Variants in MCC observed in about 807,000 individuals in gnomAD.
MCC encodes colorectal mutant cancer protein.
In MCC, 90 loss-of-function variants were observed where a neutral mutation model predicts 116.2. The ratio of observed to expected loss-of-function variants is 0.77; its 90% CI spans 0.65 to 0.92. The LOEUF (loss-of-function observed/expected upper bound fraction) is 0.92. MCC is among the 40% of genes least tolerant of loss of function. The probability of loss-of-function intolerance (pLI) is 0.00; values close to 1 mark genes in which losing one functional copy is unlikely to be tolerated. For synonymous variants in MCC, 578 were observed against 510.5 expected (o/e 1.13, Z -1.78); for missense variants, 1,516 against 1,312.2 (o/e 1.16, Z -2.40).
At chr5:113,101,225 C>A (rs138710257) in intron 8 of MCC, among the ~76,000 whole-genome samples, 4 of 152,018 alleles carry the variant, frequency 2.6e-5, no homozygotes, top group African/African-American at 9.7e-5. Context: ...TACACACATA[C>A]ATATATGCAC....
chr5:113,150,524 A>G (rs553820091), intron 4 of MCC, among the ~76,000 whole-genome samples: 3 of 152,302 alleles, frequency 2.0e-5, no homozygotes, highest in African/African-American at 7.2e-5. Context: ...AAAAATTCAG[A>G]AGTGAGAAGA....
chr5:113,326,353 A>G (rs568085536), intron 3 of MCC, among the ~76,000 whole-genome samples: 5 of 152,342 alleles, frequency 3.3e-5, no homozygotes, highest in South Asian at 4.1e-4. Flanking sequence ...GATAATTTAT[A>G]AAGAACAGAA....
chr5:113,141,599 T>C (rs1196468247), intron 5 of MCC, among the ~76,000 whole-genome samples: 1 of 152,194 alleles, frequency 6.6e-6, no homozygotes, highest in Non-Finnish European at 1.5e-5. Flanking sequence ...GGTCTACACG[T>C]CTAAGTGCCT....
intron 1 of MCC, among the ~76,000 whole-genome samples, chr5:113,386,973 T>A (rs1317332782): frequency 6.6e-6 from 1 of 152,106 alleles, no homozygotes; most frequent in Non-Finnish European, 1.5e-5. Context: ...GCCAAGGACA[T>A]TCATGGTAGG....
At chr5:113,473,544 AAC>A (rs746488793) in intron 1 of MCC, among the ~76,000 whole-genome samples, 1 of 152,042 alleles carries the variant, frequency 6.6e-6, no homozygotes, top group Non-Finnish European at 1.5e-5. Flanking sequence ...CAAAAACAAA[AAC>A]AAAACAAAAC....
intron 3 of MCC, among the ~76,000 whole-genome samples, chr5:113,202,280 A>T (rs1224541390): frequency 3.9e-5 from 6 of 152,012 alleles, no homozygotes; most frequent in Admixed American, 1.3e-4. Context: ...GTTGTGCTGG[A>T]GTGCACACGG....
Position 113,470,973 on chromosome 5 carries a change from G to A in MCC, c.170+17272C>T, listed in dbSNP as rs539645546. ...ACCCTTTCTTCCAGTTGATTGCATC[G>A]GCTACTAAGGCTTCTGCCTTCGTCA... On this transcript the variant is annotated intron_variant, in intron 1 of 18. Transcript: ENST00000408903. 5.3e-5 allele frequency among the ~76,000 whole-genome samples: 8 copies of A among 151,936 alleles called. No individual in the cohort carries two copies. In the South Asian group the frequency reaches 6.2e-4, roughly 12 times the overall value.
chr5:113,347,461 G>A (rs1419152109), intron 2 of MCC, among the ~76,000 whole-genome samples: 3 of 151,972 alleles, frequency 2.0e-5, no homozygotes, highest in African/African-American at 7.2e-5. Flanking sequence ...TAACAAACCT[G>A]CACATTGTGC....
rs1044025801 is a variant in MCC, at chr5:113,215,944, G to A, written c.628-64522C>T. Among the ~76,000 whole-genome samples, 12 of 152,190 alleles carry A rather than the reference G, an allele frequency of 7.9e-5. No individual in the cohort carries two copies. The South Asian group carries it at 1.0e-3, about 13-fold the overall frequency. ...TGATCTCTCAAAGAAACCACCAATCGCTTTGTTGTTCAATCAAAACTGTTG... is the reference window on the plus strand; with the variant it reads ...TGATCTCTCAAAGAAACCACCAATCACTTTGTTGTTCAATCAAAACTGTTG... On this transcript the variant is annotated intron_variant, in intron 3 of 18. Coordinates refer to ENST00000408903, the MANE Select transcript of MCC (RefSeq NM_001085377.2).
intron 2 of MCC, among the ~76,000 whole-genome samples, chr5:113,348,590 C>T (rs1231756758): frequency 6.6e-6 from 1 of 151,772 alleles, no homozygotes; most frequent in Non-Finnish European, 1.5e-5. Flanking sequence ...TTTATACCTA[C>T]CAATGCTTAC....
chr5:113,467,014 C>T (rs1026556972), intron 1 of MCC, among the ~76,000 whole-genome samples: 1 of 151,742 alleles, frequency 6.6e-6, no homozygotes, highest in Non-Finnish European at 1.5e-5. Context: ...ATCCTTTGCC[C>T]ACTTTTTGAT....
intron 1 of MCC, among the ~76,000 whole-genome samples, chr5:113,453,981 A>G (rs1771472258): frequency 6.6e-6 from 1 of 152,092 alleles, no homozygotes; most frequent in Non-Finnish European, 1.5e-5. Context: ...GTGATGGCAC[A>G]TGATTGTAAT....
intron 8 of MCC, among the ~76,000 whole-genome samples, chr5:113,090,684 C>T (rs1283431702): frequency 6.6e-6 from 1 of 152,166 alleles, no homozygotes; most frequent in Non-Finnish European, 1.5e-5. Flanking sequence ...TCAGCTTTGG[C>T]AGAGAGCAGG....
At chr5:113,040,847 C>A (rs780333513) in intron 17 of MCC, among the ~76,000 whole-genome samples, 1 of 152,186 alleles carries the variant, frequency 6.6e-6, no homozygotes, top group Non-Finnish European at 1.5e-5. Context: ...ACTGACAGAA[C>A]AAATGAAGTC....
chr5:113,175,149 T>G (rs1331168360), intron 3 of MCC, among the ~76,000 whole-genome samples: 1 of 152,164 alleles, frequency 6.6e-6, no homozygotes, highest in Admixed American at 6.5e-5. Context: ...CTTTTGTGCT[T>G]TGAAAGGAGA....
At chr5:113,401,256 T>C (rs2150398800) in intron 1 of MCC, among the ~76,000 whole-genome samples, 2 of 152,304 alleles carry the variant, frequency 1.3e-5, no homozygotes, top group East Asian at 3.9e-4. Flanking sequence ...AAGATGTATA[T>C]TACAACATGT....
intron 3 of MCC, among the ~76,000 whole-genome samples, chr5:113,332,300 G>A (rs750181484): frequency 1.8e-4 from 27 of 151,480 alleles, no homozygotes; most frequent in Non-Finnish European, 2.2e-4. Context: ...CACCTCAGCC[G>A]CCCAAGCAGT....
At chr5:113,055,482 G>C (rs1158352958) in intron 14 of MCC, among the ~76,000 whole-genome samples, 2 of 152,194 alleles carry the variant, frequency 1.3e-5, no homozygotes, top group Non-Finnish European at 2.9e-5. Context: ...ATGGTGGCTG[G>C]AGCTTTGCTG....
chr5:113,059,017 C>A (rs183420969), intron 14 of MCC, among the ~76,000 whole-genome samples: 1 of 152,162 alleles, frequency 6.6e-6, no homozygotes. Flanking sequence ...AGCCCTAACA[C>A]GAACGCAGGC....
Sources: allele counts gnomAD v4.1 joint callset (sites outside exome capture counted in the v4.1 genomes callset), GRCh38; gene constraint gnomAD v4.1.1; transcripts MANE v1.5; gene names NCBI Gene and HGNC (gene_info 2026-07-23, HGNC 2026-07-21).